Variants in MTM1 observed in about 807,000 individuals in gnomAD.
MTM1 encodes myotubularin 1, also known as myotubularin.
Under a neutral mutation model 52.1 loss-of-function variants are expected in MTM1, and 9 were observed. The ratio of observed to expected loss-of-function variants is 0.17; its 90% CI spans 0.10 to 0.30. The LOEUF (loss-of-function observed/expected upper bound fraction) is 0.30, where lower values mean the gene tolerates loss of function less well. MTM1 is among the 10% of genes least tolerant of loss of function. The pLI is 1.00. For synonymous variants in MTM1, 136 were observed against 163.8 expected (o/e 0.83, Z 1.29); for missense variants, 277 against 470.7 (o/e 0.59, Z 3.81).
intron 1 of MTM1, among the ~76,000 whole-genome samples, chrX:150,580,374 T>C (rs945381632): frequency 8.9e-6 from 1 of 112,052 alleles, no homozygotes; most frequent in African/African-American, 3.2e-5. Context: ...GGGAATTCTT[T>C]GTGGAGCAGC....
At chrX:150,613,859 G>A (rs183065124) in intron 4 of MTM1, among the ~76,000 whole-genome samples, 31 of 112,184 alleles carry the variant, frequency 2.8e-4, no homozygotes, top group African/African-American at 8.8e-4. Context: ...CTTGCACCCA[G>A]CGTTGGATAG....
chrX:150,587,165 G>A (rs1387482901), intron 1 of MTM1, among the ~76,000 whole-genome samples: 1 of 110,663 alleles, frequency 9.0e-6, no homozygotes, highest in Admixed American at 9.7e-5. Context: ...TGTTTTGTAG[G>A]TGGGCGCATA....
intron 4 of MTM1, among the ~76,000 whole-genome samples, chrX:150,609,618 G>T (rs782479324): frequency 9.0e-6 from 1 of 111,034 alleles, no homozygotes; most frequent in Non-Finnish European, 1.9e-5. Flanking sequence ...TTCTAAAATC[G>T]GCCGTGTTCA....
At chrX:150,634,261 G>A (rs1165533897) in intron 6 of MTM1, among the ~76,000 whole-genome samples, 4 of 112,265 alleles carry the variant, frequency 3.6e-5, no homozygotes, top group Middle Eastern at 4.2e-3. Context: ...ACAGCTGTCC[G>A]TCCTCAAAGG....
chrX:150,659,495 T>G (rs1396222554), intron 11 of MTM1, among the ~76,000 whole-genome samples, 169 bp from the exon 12 acceptor site: 3 of 112,213 alleles, frequency 2.7e-5, no homozygotes, highest in Non-Finnish European at 5.6e-5. Flanking sequence ...TCCATTATTT[T>G]GAAACCTTAC....
intron 12 of MTM1, 49 bp from the exon 13 acceptor site, chrX:150,660,322 A>G: frequency 1.3e-6 from 1 of 776,241 alleles, no homozygotes; most frequent in Non-Finnish European, 2.0e-6. Flanking sequence ...CTAATTTTAT[A>G]AAGTTTCAGT....
intron 4 of MTM1, 37 bp downstream of exon 4, chrX:150,598,723 T>C (rs2039021034): frequency 2.2e-6 from 2 of 911,934 alleles, no homozygotes; most frequent in Admixed American, 4.6e-5. Context: ...TGACCCTAAC[T>C]GTTAAAGATA....
intron 8 of MTM1, among the ~76,000 whole-genome samples, chrX:150,642,819 A>T (rs2039870999): frequency 8.9e-6 from 1 of 111,918 alleles, no homozygotes; most frequent in Non-Finnish European, 1.9e-5. Flanking sequence ...GAGAAAATTG[A>T]ACAACTGTGC....
chrX:150,616,527 CAT>C (rs1557413147), intron 5 of MTM1, among the ~76,000 whole-genome samples: 1 of 111,856 alleles, frequency 8.9e-6, no homozygotes, highest in Non-Finnish European at 1.9e-5. Context: ...CAGCAATGCA[CAT>C]AGAGATTTCT....
At position 150,588,129 on chromosome X, in the gene MTM1, A is replaced by G. The variant is rs782463002; in HGVS notation, c.-10-4476A>G. 3.6e-5 allele frequency among the ~76,000 whole-genome samples: 4 copies of G among 112,201 alleles called. No homozygotes were observed. The South Asian group carries it at 1.1e-3, about 31-fold the overall frequency. ...TAGAAAGACCTGGAATTCTGAACGG[A>G]GAGGCTGCTTGTTCTCTGACAAACT... On this transcript the variant is annotated intron_variant, in intron 1 of 14. Transcript: ENST00000370396.
intron 4 of MTM1, among the ~76,000 whole-genome samples, chrX:150,609,079 G>A (rs1253369616): frequency 1.8e-5 from 2 of 110,569 alleles, no homozygotes; most frequent in Admixed American, 9.6e-5. Context: ...CACCAACCTC[G>A]GCCTCCCAAA....
chrX:150,580,452 G>C lies in MTM1; in HGVS notation c.-11+11790G>C, dbSNP rs1395971961. 2.7e-5 allele frequency among the ~76,000 whole-genome samples: 3 copies of C among 110,955 alleles called. No individual in the cohort carries two copies. In the Admixed American group the frequency reaches 2.9e-4, roughly 11 times the overall value. The stretch of plus-strand genomic sequence containing the variant: ...TCACATGTATCATTATTTTAGAACT[G>C]GAATTTCTTCATCCTCTCTTTCCTT... On this transcript the variant is annotated intron_variant, in intron 1 of 14. Transcript: ENST00000370396.
chrX:150,596,958 C>G (rs782187103), intron 3 of MTM1: 5 of 145,502 alleles, frequency 3.4e-5, no homozygotes, highest in African/African-American at 1.6e-4. Context: ...TCATTCTCCT[C>G]TTTGAAATAT....
intron 5 of MTM1, among the ~76,000 whole-genome samples, chrX:150,615,696 C>T (rs2039372674): frequency 8.9e-6 from 1 of 111,819 alleles, no homozygotes; most frequent in Admixed American, 9.5e-5. Context: ...TTCTCAAAAC[C>T]AACATTGTGT....
chrX:150,576,326 TG>T (rs2038470531), intron 1 of MTM1, among the ~76,000 whole-genome samples: 1 of 111,659 alleles, frequency 9.0e-6, no homozygotes, highest in Non-Finnish European at 1.9e-5. Flanking sequence ...GCCTGGGGCC[TG>T]GAAGATTATA....
chrX:150,601,354 T>C (rs2039063900), intron 4 of MTM1, among the ~76,000 whole-genome samples: 1 of 112,272 alleles, frequency 8.9e-6, no homozygotes, highest in Non-Finnish European at 1.9e-5. Flanking sequence ...TACAGGAGTC[T>C]AAAAACATAG....
chrX:150,590,627 A>G (rs938403631), intron 1 of MTM1, among the ~76,000 whole-genome samples: 1 of 111,764 alleles, frequency 8.9e-6, no homozygotes, highest in African/African-American at 3.3e-5. Flanking sequence ...AATGAAGGGA[A>G]AATGAGGGAT....
At chrX:150,625,221 A>G (rs997123474) in intron 6 of MTM1, among the ~76,000 whole-genome samples, 3 of 111,938 alleles carry the variant, frequency 2.7e-5, no homozygotes, top group African/African-American at 9.7e-5. Context: ...AATGGAGATA[A>G]TAACAGTCTC....
intron 13 of MTM1, among the ~76,000 whole-genome samples, chrX:150,661,966 T>C (rs1485008111): frequency 8.9e-6 from 1 of 112,383 alleles, no homozygotes; most frequent in Admixed American, 9.5e-5. Context: ...TGACAGATGT[T>C]AATTAGCTTG....
Sources: allele counts gnomAD v4.1 joint callset (sites outside exome capture counted in the v4.1 genomes callset), GRCh38; gene constraint gnomAD v4.1.1; transcripts MANE v1.5; gene names NCBI Gene and HGNC (gene_info 2026-07-23, HGNC 2026-07-21).